Variants in DDX20 observed in about 807,000 individuals in gnomAD.
DDX20 encodes the protein probable ATP-dependent RNA helicase DDX20.
Under a neutral mutation model 76.4 loss-of-function variants are expected in DDX20, and 61 were observed. The ratio of observed to expected loss-of-function variants is 0.80; its 90% CI spans 0.65 to 0.99. DDX20 has a LOEUF of 0.99. Among genes scored for constraint, DDX20 ranks in the 50% least tolerant of loss-of-function variants. The pLI, the probability that DDX20 is intolerant of heterozygous loss-of-function variation, is 0.00. For synonymous variants in DDX20, 357 were observed against 357.4 expected (o/e 1.00, Z 0.01); for missense variants, 976 against 996.8 (o/e 0.98, Z 0.28).
At chr1:111,763,058 A>G (rs990780231) in intron 10 of DDX20, 51 bp downstream of exon 10, 9 of 1,406,478 alleles carry the variant, frequency 6.4e-6, no homozygotes, top group African/African-American at 2.9e-5. Flanking sequence ...GGTGATAAGC[A>G]TAATAAAAAT....
In DDX20 at chr1:111,766,908, T is replaced by A; in HGVS notation, c.*9T>A. 6.3e-7 allele frequency: 1 copy of A among 1,591,800 alleles called. No individual in the cohort carries two copies. The highest frequency in any genetic ancestry group is 1.1e-5 in the South Asian group (1 of 90,278). ...TGCATAGTAACCAGTGATTATAGGATATACCTGAGACCATCAGGAACTGTC... is the reference window on the plus strand; with the variant it reads ...TGCATAGTAACCAGTGATTATAGGAAATACCTGAGACCATCAGGAACTGTC... On this transcript the variant is annotated 3_prime_UTR_variant, in exon 11 of 11. Coordinates refer to ENST00000369702, the MANE Select transcript of DDX20 (RefSeq NM_007204.5).
chr1:111,765,483 GCT>G (rs1663760071), intron 10 of DDX20, among the ~76,000 whole-genome samples: 1 of 152,180 alleles, frequency 6.6e-6, no homozygotes, highest in Non-Finnish European at 1.5e-5. Context: ...CCTAGAGTAA[GCT>G]CTTTTTCTAG....
Position 111,762,784 on chromosome 1 carries a change from TAAAAAA to T in DDX20, c.1210+13_1210+18del. The T allele has an allele frequency of 6.6e-7, 1 of 1,524,622 alleles. No individual in the cohort carries two copies. The highest frequency in any genetic ancestry group is 1.7e-4 in the Middle Eastern group (1 of 5,802). The allele number at this position is 1,524,622 out of a possible 1,614,324, so 94.4% of individuals were successfully genotyped here. A position where few individuals can be genotyped will look rare whatever the true frequency, so the allele number is the denominator to read the frequency against. On this transcript the variant is annotated splice_donor_5th_base_variant and intron_variant, in intron 9 of 10. Coordinates refer to ENST00000369702, the MANE Select transcript of DDX20 (RefSeq NM_007204.5). Reference sequence around the variant, plus strand: ...GGATTGGGAGAGCTGGCCGTTTTGGTAAAAAAAAAAAAAAAAGTTTGAGTGCTTTCT... The same window carrying T: ...GGATTGGGAGAGCTGGCCGTTTTGGTAAAAAAAAAAGTTTGAGTGCTTTCT...
chr1:111,755,957 A>G lies in DDX20; in HGVS notation c.33A>G (p.Leu11=). 1.3e-6 allele frequency: 2 copies of G among 1,590,880 alleles called. No individual in the cohort carries two copies. The highest frequency in any genetic ancestry group is 1.7e-6 in the Non-Finnish European group (2 of 1,164,100). The change falls in exon 1 of 11, where the codon TTA becomes TTG. Residue 11 remains leucine (L), a synonymous_variant. Coordinates refer to ENST00000369702, the MANE Select transcript of DDX20 (RefSeq NM_007204.5). The part of the protein sequence containing the change: MAAAFEASGA[L]AAVATAMPAE... ...CGGCATTTGAAGCCTCGGGAGCCTT[A>G]GCAGCAGTGGCGACTGCTATGCCGG...
intron 10 of DDX20, among the ~76,000 whole-genome samples, chr1:111,763,583 A>G (rs1309022901): frequency 1.3e-5 from 2 of 151,958 alleles, no homozygotes; most frequent in East Asian, 1.9e-4. Context: ...AAAAAAAAAA[A>G]AAAGAAAGAA....
chr1:111,759,580 A>G lies in DDX20; in HGVS notation c.565+12A>G. The G allele has an allele frequency of 6.2e-7, 1 of 1,608,678 alleles. No homozygotes were observed. The highest frequency in any genetic ancestry group is 8.5e-7 in the Non-Finnish European group (1 of 1,177,942). ...TGTTGGATCTCCTGGTAAGATAACA[A>G]TGCCTGTTGGTAACCAGGGCTTTTA... On this transcript the variant is annotated intron_variant, in intron 3 of 10. Transcript: ENST00000369702.
intron 5 of DDX20, 33 bp downstream of exon 5, chr1:111,760,881 GTTTA>G (rs1663659182): frequency 6.3e-7 from 1 of 1,596,352 alleles, no homozygotes; most frequent in African/African-American, 1.4e-5. Flanking sequence ...TATATTATTG[GTTTA>G]TTTGTGATAT....
At chr1:111,760,883 T>A (rs1663659220) in intron 5 of DDX20, 35 bp downstream of exon 5, 1 of 1,596,324 alleles carries the variant, frequency 6.3e-7, no homozygotes, top group African/African-American at 1.4e-5. Context: ...TATTATTGGT[T>A]TATTTGTGAT....
At chr1:111,763,585 A>G (rs999851856) in intron 10 of DDX20, among the ~76,000 whole-genome samples, 9 of 151,794 alleles carry the variant, frequency 5.9e-5, no homozygotes, top group African/African-American at 2.2e-4. Flanking sequence ...AAAAAAAAAA[A>G]AGAAAGAAAA....
chr1:111,758,688 C>T (rs904919552), intron 2 of DDX20, among the ~76,000 whole-genome samples: 1 of 152,104 alleles, frequency 6.6e-6, no homozygotes, highest in African/African-American at 2.4e-5. Flanking sequence ...CAAAGTACCT[C>T]CTTTGAGGAG....
chr1:111,756,268 G>GGGGGGGGGGC, intron 1 of DDX20, 43 bp downstream of exon 1: 1 of 739,114 alleles, frequency 1.4e-6, no homozygotes, highest in Non-Finnish European at 2.0e-6. Context: ...TGGGGTGGGA[G>GGGGGGGGGGC]AAGGGGGACC....
rs531255883 is a variant in DDX20, at chr1:111,759,513, A to G, written c.510A>G (p.Pro170=). 7 of 1,614,072 alleles carry G rather than the reference A, an allele frequency of 4.3e-6. No homozygotes were observed. The highest frequency in any genetic ancestry group is 2.2e-5 in the East Asian group (1 of 44,854). ...LECHVFIGGT[P]LSQDKTRLKK... is the part of the protein sequence containing the mutation. Reference sequence around the variant, plus strand: ...GTCATGTCTTTATTGGAGGGACCCCATTATCACAAGACAAAACCAGACTTA... The same window carrying G: ...GTCATGTCTTTATTGGAGGGACCCCGTTATCACAAGACAAAACCAGACTTA... The change falls in exon 3 of 11, where the codon CCA becomes CCG. Residue 170 remains proline (P), a synonymous_variant. Coordinates refer to ENST00000369702, the MANE Select transcript of DDX20 (RefSeq NM_007204.5).
chr1:111,762,514 T>C (rs1354477162), intron 8 of DDX20, 163 bp from the exon 9 acceptor site: 1 of 828,140 alleles, frequency 1.2e-6, no homozygotes, highest in Non-Finnish European at 1.9e-6. Context: ...ATGTTTATCT[T>C]TGTCCTTGAA....
chr1:111,756,247 A>C, intron 1 of DDX20, 22 bp downstream of exon 1: 1 of 825,514 alleles, frequency 1.2e-6, no homozygotes, highest in Non-Finnish European at 1.6e-6. Context: ...GGCCCGGGAT[A>C]GGTCGGGGGG....
rs140608681 is a variant in DDX20 at position 111,755,974 on chromosome 1, C to T, written c.50C>T (p.Ala17Val). The T allele has an allele frequency of 6.2e-7, 1 of 1,600,086 alleles. No homozygotes were observed. The highest frequency in any genetic ancestry group is 8.5e-7 in the Non-Finnish European group (1 of 1,170,448). ...ASGALAAVAT[A>V]MPAEHVAVQV... ...GGAGCCTTAGCAGCAGTGGCGACTG[C>T]TATGCCGGCTGAGCATGTGGCCGTG... Residue 17 changes from alanine (A) to valine (V), a missense_variant, in exon 1 of 11, where the codon GCT becomes GTT. By Grantham distance (64) the Ala-to-Val change is moderately conservative (BLOSUM62 0). Coordinates refer to ENST00000369702, the MANE Select transcript of DDX20 (RefSeq NM_007204.5).
chr1:111,766,971 T>C lies in DDX20; in HGVS notation c.*72T>C. On this transcript the variant is annotated 3_prime_UTR_variant, in exon 11 of 11. Coordinates refer to ENST00000369702, the MANE Select transcript of DDX20 (RefSeq NM_007204.5). ...CTTTGGATATCCATCCTCCTCGACT[T>C]ATAGTACAGTGGTGTATAGTGGCAT... 8.1e-7 allele frequency: 1 copy of C among 1,227,658 alleles called. No homozygotes were observed. The highest frequency in any genetic ancestry group is 1.2e-6 in the Non-Finnish European group (1 of 865,562). The allele number at this position is 1,227,658 out of a possible 1,614,324, so 76.0% of individuals were successfully genotyped here. A position where few individuals can be genotyped will look rare whatever the true frequency, so the allele number is the denominator to read the frequency against.
chr1:111,766,658 G>C lies in DDX20; in HGVS notation c.2234G>C (p.Arg745Thr), dbSNP rs375593643. 4 of 1,614,184 alleles carry C rather than the reference G, an allele frequency of 2.5e-6. No individual in the cohort carries two copies. The African/African-American group carries it at 5.3e-5, about 22-fold the overall frequency. Residue 745 changes from arginine (R) to threonine (T), a missense_variant, in exon 11 of 11, where the codon AGA becomes ACA. Physicochemically the swap from Arg to Thr is moderately conservative, Grantham distance 71. This residue lies in a region of DDX20 where 630 missense variants were observed against 693.7 expected (regional missense o/e 0.91). Coordinates refer to ENST00000369702, the MANE Select transcript of DDX20 (RefSeq NM_007204.5). Reference protein sequence around the residue: ...RRNLPRRSSFRLQTEAQEDDW... With the variant: ...RRNLPRRSSFTLQTEAQEDDW... ...AACCTACCCAGGCGGTCTTCCTTCA[G>C]ATTGCAGACTGAAGCCCAGGAAGAT...
At chr1:111,758,016 C>T (rs746994999) in intron 2 of DDX20, among the ~76,000 whole-genome samples, 13 of 146,608 alleles carry the variant, frequency 8.9e-5, no homozygotes, top group African/African-American at 3.2e-4. Context: ...ACCACACGCC[C>T]GGCTAATTTT....
chr1:111,767,855 C>T lies in DDX20; in HGVS notation c.*956C>T, dbSNP rs1472910824. ...TGTGGAAGCTGGAATTGATTCTCTT[C>T]AGACACTTCTTAGTACATCCTAATT... On this transcript the variant is annotated 3_prime_UTR_variant, in exon 11 of 11. Transcript: ENST00000369702. 3 of 152,188 alleles carry T rather than the reference C, an allele frequency of 2.0e-5. No homozygotes were observed. The highest frequency in any genetic ancestry group is 4.4e-5 in the Non-Finnish European group (3 of 68,014). The allele number at this position is 152,188 out of a possible 1,614,324, so 9.4% of individuals were successfully genotyped here.
Sources: gnomAD v4.1 joint callset for allele counts (sites outside exome capture counted in the v4.1 genomes callset) on GRCh38, gnomAD v4.1.1 for gene constraint, gnomAD v4.1.1 regional missense constraint, MANE v1.5 for transcripts, NCBI Gene and HGNC (gene_info 2026-07-23, HGNC 2026-07-21) for gene names.